Variants in IP6K2 observed in about 807,000 individuals in gnomAD.
IP6K2 encodes the protein inositol hexakisphosphate kinase 2, also known as ATP:1D-myo-inositol-hexakisphosphate phosphotransferase.
A neutral mutation model predicts 43.3 loss-of-function variants in IP6K2; 9 were observed. That is an observed-to-expected ratio of 0.21 (90% CI 0.13 to 0.36). The LOEUF (loss-of-function observed/expected upper bound fraction) is 0.36. Ranked by LOEUF, IP6K2 falls within the 10% of genes least tolerant of loss-of-function variation. The pLI, the probability that IP6K2 is intolerant of heterozygous loss-of-function variation, is 1.00. For missense variants in IP6K2, 332 were observed against 538.4 expected (o/e 0.62, Z 3.79); for synonymous variants, 209 against 202.4 (o/e 1.03, Z -0.28).
At chr3:48,697,488 A>ATTTTTTTT (rs35746542) in intron 1 of IP6K2, among the ~76,000 whole-genome samples, 46 of 64,322 alleles carry the variant, frequency 7.2e-4, no homozygotes, top group African/African-American at 1.6e-3. Flanking sequence ...ATGCCTGGCT[A>ATTTTTTTT]TTTTTTTTTT....
intron 1 of IP6K2, chr3:48,715,633 C>T (rs2081104432): frequency 1.6e-6 from 1 of 612,090 alleles, no homozygotes; most frequent in Admixed American, 3.0e-5. Context: ...AAAAACAAAC[C>T]AAACAAACAA....
At chr3:48,715,413 A>T (rs1446208537) in intron 1 of IP6K2, 1 of 1,536,134 alleles carries the variant, frequency 6.5e-7, no homozygotes. Context: ...TCCCTCTTGG[A>T]AGGGAGACTG....
intron 1 of IP6K2, chr3:48,715,181 C>T (rs2081052766): frequency 1.1e-6 from 1 of 949,470 alleles, no homozygotes; most frequent in South Asian, 1.4e-5. Flanking sequence ...TAATCATCTG[C>T]TTACTTTCTA....
chr3:48,702,448 C>G (rs1299750413), intron 1 of IP6K2, among the ~76,000 whole-genome samples: 4 of 150,512 alleles, frequency 2.7e-5, no homozygotes, highest in South Asian at 2.1e-4. Flanking sequence ...TGTCACCCCC[C>G]CTTTTTTTTT....
Position 48,691,384 on chromosome 3 carries a change from T to C in IP6K2, c.527A>G (p.Tyr176Cys), listed in dbSNP as rs778270449. The C allele has an allele frequency of 6.2e-7, 1 of 1,613,768 alleles. No individual in the cohort carries two copies. Among genetic ancestry groups the C allele is most frequent in the Non-Finnish European group, 8.5e-7 (1 of 1,179,608 alleles). Residue 176 changes from tyrosine to cysteine, a missense_variant, in exon 4 of 6, where the codon TAT (tyrosine) becomes TGT (cysteine). Tyr to Cys is a radical substitution (Grantham distance 194). Transcript: ENST00000328631. ...KGNISSQLKH[Y>C]NPWSMKCHQQ... ...GTGACATTTCATGCTCCAAGGGTTA[T>C]AGTGTTTAAGCTGGGAACTTATATT...
At chr3:48,696,730 T>C (rs999900589) in intron 1 of IP6K2, among the ~76,000 whole-genome samples, 1 of 152,198 alleles carries the variant, frequency 6.6e-6, no homozygotes, top group Non-Finnish European at 1.5e-5. Flanking sequence ...TTCCCATGAC[T>C]CTAACTGAGA....
chr3:48,696,643 G>A (rs1429505781), intron 1 of IP6K2, among the ~76,000 whole-genome samples: 1 of 152,194 alleles, frequency 6.6e-6, no homozygotes, highest in East Asian at 1.9e-4. Context: ...AAATTAGACA[G>A]TCTCTACTAG....
At position 48,702,392 on chromosome 3, in the gene IP6K2, T is replaced by C. The variant is rs998862568; in HGVS notation, c.-130-6971A>G. ...GCTTGATATGTTCTTCCCCCAGATA[T>C]CCCCCTTGGCTCACTCTCTCAACCT... On this transcript the variant is annotated intron_variant, in intron 1 of 5. Coordinates refer to ENST00000328631, the MANE Select transcript of IP6K2 (RefSeq NM_016291.4). Among the ~76,000 whole-genome samples the C allele has an allele frequency of 4.7e-5, 7 of 150,470 alleles. No homozygotes were observed. The East Asian group carries it at 1.2e-3, about 25-fold the overall frequency.
intron 1 of IP6K2, among the ~76,000 whole-genome samples, chr3:48,711,896 A>T (rs944821290): frequency 6.6e-6 from 1 of 152,136 alleles, no homozygotes; most frequent in African/African-American, 2.4e-5. Flanking sequence ...CCAAGCATAT[A>T]ACTCCACAGG....
At chr3:48,704,195 G>A (rs1186136523) in intron 1 of IP6K2, among the ~76,000 whole-genome samples, 1 of 152,160 alleles carries the variant, frequency 6.6e-6, no homozygotes, top group Non-Finnish European at 1.5e-5. Flanking sequence ...GACTCTGAAA[G>A]GATGTCTTGT....
chr3:48,694,400 A>C, intron 2 of IP6K2: 1 of 1,546,354 alleles, frequency 6.5e-7, no homozygotes, highest in Non-Finnish European at 8.7e-7. Flanking sequence ...GTTGTTCTAG[A>C]GTCCTTTATG....
At chr3:48,691,554 G>T in intron 3 of IP6K2, 72 bp from the exon 4 acceptor site, 1 of 1,172,658 alleles carries the variant, frequency 8.5e-7, no homozygotes, top group African/African-American at 1.5e-5. Flanking sequence ...GGTGGCTCAT[G>T]CCTGTAATCC....
At position 48,695,047 on chromosome 3, in the gene IP6K2, T is replaced by C. The variant is rs17080319; in HGVS notation, c.202+43A>G. 191,456 of 1,613,842 alleles carry C rather than the reference T, an allele frequency of 0.12. 12,190 individuals carry two copies. The highest frequency in any genetic ancestry group is 0.23 in the African/African-American group (17,184 of 74,940). ...CCTTCCATGGCCACGATCTCTCACA[T>C]CTCCTCGCCAGTGTGGCAACCCCTC... On this transcript the variant is annotated intron_variant, in intron 2 of 5. Coordinates refer to ENST00000328631, the MANE Select transcript of IP6K2 (RefSeq NM_016291.4). This position sits in a 1 kb window ranked among gnomAD's most constrained non-coding sequence, Gnocchi z 4.6.
At chr3:48,701,932 T>C (rs2079102418) in intron 1 of IP6K2, among the ~76,000 whole-genome samples, 1 of 151,598 alleles carries the variant, frequency 6.6e-6, no homozygotes, top group Non-Finnish European at 1.5e-5. Flanking sequence ...TCCTACTCAT[T>C]GTCCAATAGT....
intron 1 of IP6K2, among the ~76,000 whole-genome samples, chr3:48,704,135 T>G (rs2079405153): frequency 6.6e-6 from 1 of 152,060 alleles, no homozygotes; most frequent in Admixed American, 6.6e-5. Flanking sequence ...AATAAAAAAC[T>G]AAAAAGCATT....
intron 5 of IP6K2, 84 bp downstream of exon 5, chr3:48,689,454 G>T: frequency 7.0e-7 from 1 of 1,425,186 alleles, no homozygotes; most frequent in Non-Finnish European, 9.5e-7. Flanking sequence ...ACCTGGCCTG[G>T]AATCTTTTGA....
intron 1 of IP6K2, among the ~76,000 whole-genome samples, chr3:48,703,572 C>A (rs549563078): frequency 2.0e-5 from 3 of 150,884 alleles, no homozygotes; most frequent in Non-Finnish European, 4.4e-5. Context: ...AAAAAATTAG[C>A]CAGGCATGGT....
intron 2 of IP6K2, chr3:48,693,904 T>C (rs1197463970): frequency 7.8e-7 from 1 of 1,276,912 alleles, no homozygotes; most frequent in Non-Finnish European, 9.9e-7. Flanking sequence ...CTTAAGTCTC[T>C]AGAACCTGCC....
chr3:48,690,804 GAAAA>G (rs1185091252), intron 4 of IP6K2, among the ~76,000 whole-genome samples: 4 of 140,512 alleles, frequency 2.8e-5, no homozygotes, highest in Admixed American at 2.8e-4. Flanking sequence ...AAAAAAAAAA[GAAAA>G]AAAAGAGAGA....
Sources: allele counts gnomAD v4.1 joint callset (sites outside exome capture counted in the v4.1 genomes callset), GRCh38; gene constraint gnomAD v4.1.1; non-coding constraint Gnocchi (gnomAD v3.1); transcripts MANE v1.5; gene names NCBI Gene and HGNC (gene_info 2026-07-23, HGNC 2026-07-21).